Variants in ZNF684 observed in about 807,000 individuals in gnomAD.
ZNF684 encodes the protein hypothetical protein MGC27466.
Under a neutral mutation model 12.8 loss-of-function variants are expected in ZNF684, and 13 were observed. The observed-to-expected ratio is 1.02, with a 90% CI of 0.66 to 1.62. The LOEUF is 1.62. Ranked by LOEUF, ZNF684 falls within the 40% of genes most tolerant of loss-of-function variation. The pLI, the probability that ZNF684 is intolerant of heterozygous loss-of-function variation, is 0.00. For synonymous variants in ZNF684, 118 were observed against 151.8 expected, an observed-to-expected ratio of 0.78 and a Z score of 1.64; for missense variants, 384 against 446.9, an observed-to-expected ratio of 0.86 and a Z score of 1.27.
chr1:40,546,510 G>A (rs2124513202), intron 4 of ZNF684, 52 bp from the exon 5 acceptor site: 1 of 1,472,266 alleles, frequency 6.8e-7, no homozygotes, highest in South Asian at 1.5e-5. Context: ...TTTCTCTATA[G>A]CATGTTGATG....
intron 2 of ZNF684, among the ~76,000 whole-genome samples, chr1:40,537,905 C>G (rs913065044): frequency 1.3e-5 from 2 of 152,186 alleles, no homozygotes; most frequent in African/African-American, 4.8e-5. Context: ...TTCCCTAGCA[C>G]TAATCTACTT....
chr1:40,535,779 A>G (rs530407770), intron 2 of ZNF684, among the ~76,000 whole-genome samples: 1 of 152,282 alleles, frequency 6.6e-6, no homozygotes, highest in South Asian at 2.1e-4. Flanking sequence ...AACTATCTAT[A>G]CATTCCTGGA....
intron 3 of ZNF684, 76 bp from the exon 4 acceptor site, chr1:40,541,536 CAAG>C (rs1008892252): frequency 3.5e-6 from 4 of 1,138,426 alleles, no homozygotes; most frequent in Non-Finnish European, 5.2e-6. Flanking sequence ...TCCTGAGACT[CAAG>C]GAGGTAACCC....
chr1:40,536,326 G>A lies in ZNF684; in HGVS notation c.15+3145G>A, dbSNP rs531117200. ...GGAGAATGGCATGAACCCGGGAGGT[G>A]GAGCTTGCAGTGAGCCGAGATCGCA... On this transcript the variant is annotated intron_variant, in intron 2 of 4. Coordinates refer to ENST00000372699, the MANE Select transcript of ZNF684 (RefSeq NM_152373.4). Among the ~76,000 whole-genome samples, 129 of 151,300 alleles carry A rather than the reference G, an allele frequency of 8.5e-4. 1 individual carries two copies. The highest frequency in any genetic ancestry group is 3.0e-3 in the African/African-American group (123 of 41,248).
chr1:40,543,011 CTT>C (rs71842570), intron 4 of ZNF684, among the ~76,000 whole-genome samples: 11 of 151,028 alleles, frequency 7.3e-5, no homozygotes, highest in Non-Finnish European at 1.5e-5. Context: ...AACCAAATGA[CTT>C]TTTTTTTAGA....
chr1:40,547,143 A>T lies in ZNF684; in HGVS notation c.820A>T (p.Lys274Ter), dbSNP rs1164046781. 6.2e-7 allele frequency: 1 copy of T among 1,614,210 alleles called. No homozygotes were observed. The highest frequency in any genetic ancestry group is 1.1e-5 in the South Asian group (1 of 91,086). Residue 274 changes from lysine to a stop codon, truncating the protein, a stop_gained, in exon 5 of 5, where the codon AAG becomes TAG. Coordinates refer to ENST00000372699, the MANE Select transcript of ZNF684 (RefSeq NM_152373.4). LOFTEE classifies it low-confidence loss of function (END_TRUNC). ...TACACTTGAGAAGTCATTTGAATGT[A>T]AGGAATGTGGGAAAACCTTCAGGTA... is the stretch of plus-strand genomic sequence containing the variant. Reference protein sequence around the residue: ...SHTLEKSFECKECGKTFRYSS... With the variant: ...SHTLEKSFEC
Position 40,533,200 on chromosome 1 carries a change from C to G in ZNF684, c.15+19C>G, listed in dbSNP as rs1645966914. 6.2e-7 allele frequency: 1 copy of G among 1,612,120 alleles called. No individual in the cohort carries two copies. Among genetic ancestry groups the G allele is most frequent in the South Asian group, 1.1e-5 (1 of 90,888 alleles). ...CTTCCAGGTAAGGTATCCATCTATT[C>G]ATCCAGTTGTTTAAATCTCCCAAAA... On this transcript the variant is annotated intron_variant, in intron 2 of 4. Transcript: ENST00000372699.
rs1257792561 is a variant in ZNF684 at position 40,546,983 on chromosome 1, TG to T, written c.663del (p.Lys222ArgfsTer41). 1.2e-6 allele frequency: 2 copies of T among 1,613,946 alleles called. No homozygotes were observed. Among genetic ancestry groups the T allele is most frequent in the Non-Finnish European group, 8.5e-7 (1 of 1,179,938 alleles). ...GERPFVCNDCGKAFMHKAQLV... is the reference protein window; with the variant it reads ...GERPFVCNDCXKAFMHKAQLV... ...AGAGACCCTTTGTGTGCAATGATTG[TG>T]GGAAGGCGTTTATGCATAAAGCCCA... On this transcript the variant is annotated frameshift_variant, in exon 5 of 5. Coordinates refer to ENST00000372699, the MANE Select transcript of ZNF684 (RefSeq NM_152373.4). LOFTEE classifies it low-confidence loss of function (END_TRUNC).
In ZNF684 at chr1:40,546,682, A is replaced by G; in HGVS notation, c.359A>G (p.Asn120Ser). 6.2e-7 allele frequency: 1 copy of G among 1,612,028 alleles called. No individual in the cohort carries two copies. Among genetic ancestry groups the G allele is most frequent in the Non-Finnish European group, 8.5e-7 (1 of 1,179,540 alleles). Residue 120 changes from asparagine to serine, a missense_variant, in exon 5 of 5, where the codon AAT becomes AGT. Physicochemically the swap from Asn to Ser is conservative, Grantham distance 46. Transcript: ENST00000372699. ...ILTMERIHHY[N>S]MSTSLNPMRK... ...ACTATGGAGAGAATCCACCATTATA[A>G]TATGAGCACAAGTCTTAATCCAATG...
intron 2 of ZNF684, among the ~76,000 whole-genome samples, chr1:40,538,378 T>G (rs1036413680): frequency 6.6e-6 from 1 of 152,248 alleles, no homozygotes; most frequent in Non-Finnish European, 1.5e-5. Context: ...TTCCATCATA[T>G]GGATATACCA....
chr1:40,544,762 ACT>A, intron 4 of ZNF684: 1 of 153,082 alleles, frequency 6.5e-6, no homozygotes, highest in South Asian at 2.0e-4. Context: ...AGCAGCAGTG[ACT>A]ATCTTAGAAA....
At chr1:40,535,384 CTGCATT>C (rs1204741742) in intron 2 of ZNF684, among the ~76,000 whole-genome samples, 17 of 152,008 alleles carry the variant, frequency 1.1e-4, no homozygotes, top group Non-Finnish European at 1.0e-4. Flanking sequence ...TTTTTTTTAT[CTGCATT>C]TGGTTGTAGA....
At position 40,541,415 on chromosome 1, in the gene ZNF684, C is replaced by T. The variant is rs188976540; in HGVS notation, c.143-200C>T. The T allele has an allele frequency of 1.1e-3, 453 of 415,206 alleles. 1 individual carries two copies. The highest frequency in any genetic ancestry group is 5.2e-3 in the African/African-American group (253 of 49,050). 25.7% of individuals were successfully genotyped at this position (415,206 alleles called of 1,614,324 possible). On this transcript the variant is annotated intron_variant, in intron 3 of 4. Transcript: ENST00000372699. Reference sequence around the variant, plus strand: ...AGCCAGGATGGTCTCGATCTCCTGACCTCATGATCCGCCCGCCTCAGCCTT... The same window carrying T: ...AGCCAGGATGGTCTCGATCTCCTGATCTCATGATCCGCCCGCCTCAGCCTT...
At chr1:40,540,035 A>G (rs1266241135) in intron 2 of ZNF684, among the ~76,000 whole-genome samples, 1 of 152,084 alleles carries the variant, frequency 6.6e-6, no homozygotes, top group Admixed American at 6.5e-5. Context: ...TGATTTGCAA[A>G]TATTTTCTCC....
At chr1:40,533,251 T>C in intron 2 of ZNF684, 70 bp downstream of exon 2, 1 of 1,462,008 alleles carries the variant, frequency 6.8e-7, no homozygotes, top group East Asian at 2.3e-5. Context: ...AGGAAATGTA[T>C]GGTCAGGAAA....
At chr1:40,542,648 A>G (rs1646023031) in intron 4 of ZNF684, among the ~76,000 whole-genome samples, 1 of 152,152 alleles carries the variant, frequency 6.6e-6, no homozygotes. Flanking sequence ...TTTCATTCCC[A>G]TAATTTTACT....
intron 1 of ZNF684, among the ~76,000 whole-genome samples, chr1:40,532,718 A>C (rs1396233911): frequency 6.6e-6 from 1 of 152,178 alleles, no homozygotes; most frequent in Non-Finnish European, 1.5e-5. Flanking sequence ...CCTAATTTGC[A>C]ATCTCTTATC....
chr1:40,537,812 C>T (rs1645993564), intron 2 of ZNF684, among the ~76,000 whole-genome samples: 2 of 152,112 alleles, frequency 1.3e-5, no homozygotes, highest in Admixed American at 1.3e-4. Context: ...GTACAGCCAT[C>T]ACCACTATCT....
rs138659912 is a variant in ZNF684 at position 40,539,196 on chromosome 1, A to G, written c.16-1390A>G. Among the ~76,000 whole-genome samples the G allele has an allele frequency of 9.9e-3, 1,507 of 151,798 alleles. 10 individuals carry two copies. The highest frequency in any genetic ancestry group is 0.018 in the Non-Finnish European group (1,237 of 67,872). On this transcript the variant is annotated intron_variant, in intron 2 of 4. Transcript: ENST00000372699. ...AGGCGCATGCCACCACACCCGGCTG[A>G]TTTTTTGTATTTTTAGTAGAGACGG...
Sources: allele counts gnomAD v4.1 joint callset (sites outside exome capture counted in the v4.1 genomes callset), GRCh38; gene constraint gnomAD v4.1.1; transcripts MANE v1.5; gene names NCBI Gene and HGNC (gene_info 2026-07-23, HGNC 2026-07-21).